The following ANKRD13B variants were observed in gnomAD, a reference collection of about 807,000 sequenced individuals.
ANKRD13B encodes the protein ankyrin repeat domain 13B.
Under a neutral mutation model 74.4 loss-of-function variants are expected in ANKRD13B, and 33 were observed. The ratio of observed to expected loss-of-function variants is 0.44; its 90% CI spans 0.34 to 0.59. ANKRD13B has a LOEUF of 0.59. ANKRD13B is among the 20% of genes least tolerant of loss of function. ANKRD13B has a pLI of 0.02. For missense variants in ANKRD13B, 676 were observed against 877.9 expected, an observed-to-expected ratio of 0.77 and a Z score of 2.91; for synonymous variants, 341 against 362.9, an observed-to-expected ratio of 0.94 and a Z score of 0.68.
In ANKRD13B at chr17:29,609,508, C is replaced by A. The variant is rs2034504530; in HGVS notation, c.822+87C>A. 3 of 1,489,760 alleles carry A rather than the reference C, an allele frequency of 2.0e-6. No homozygotes were observed. The highest frequency in any genetic ancestry group is 1.4e-5 in the African/African-American group (1 of 72,074). 92.3% of individuals were successfully genotyped at this position (1,489,760 alleles called of 1,614,324 possible). The stretch of plus-strand genomic sequence containing the variant: ...GGGATTCTGACCTCCCTTCCCCAGC[C>A]CTGGAGGTACAGAAGCAATGCAGCG... On this transcript the variant is annotated intron_variant, in intron 7 of 14. Transcript: ENST00000394859. The surrounding 1 kb of genome is among the most constrained non-coding windows in gnomAD (Gnocchi z 4.0).
At chr17:29,606,260 T>C (rs781086963) in intron 1 of ANKRD13B, among the ~76,000 whole-genome samples, 1 of 150,332 alleles carries the variant, frequency 6.7e-6, no homozygotes, top group Non-Finnish European at 1.5e-5. Context: ...GAAATATATT[T>C]AAATACTTAT....
Position 29,609,619 on chromosome 17 carries a change from GCA to G in ANKRD13B, c.822+213_822+214del, listed in dbSNP as rs140086609. Among the ~76,000 whole-genome samples the G allele has an allele frequency of 1.9e-4, 29 of 151,722 alleles. No homozygotes were observed. Among genetic ancestry groups the G allele is most frequent in the Admixed American group, 8.5e-4 (13 of 15,246 alleles). ...ATGTATACACAGGGCACGTGCACAC[GCA>G]CACACACACACACATTTATTCCTCA... On this transcript the variant is annotated intron_variant, in intron 7 of 14. Coordinates refer to ENST00000394859, the MANE Select transcript of ANKRD13B (RefSeq NM_152345.5). This position sits in a 1 kb window ranked among gnomAD's most constrained non-coding sequence, Gnocchi z 4.0.
intron 1 of ANKRD13B, among the ~76,000 whole-genome samples, chr17:29,595,245 A>G (rs999131087): frequency 2.0e-5 from 3 of 152,236 alleles, no homozygotes; most frequent in African/African-American, 7.2e-5. Flanking sequence ...TGGTGAAGCA[A>G]GTGTGAACAG....
chr17:29,603,535 A>G (rs2034255147), intron 1 of ANKRD13B, among the ~76,000 whole-genome samples: 1 of 152,358 alleles, frequency 6.6e-6, no homozygotes, highest in Non-Finnish European at 1.5e-5. Flanking sequence ...TGCTGGGACT[A>G]TAGAAGCCCA....
rs750862743 is a variant in ANKRD13B, at chr17:29,612,966, C to A, written c.1652+3C>A. On this transcript the variant is annotated splice_donor_region_variant and intron_variant, in intron 14 of 14. Transcript: ENST00000394859. The surrounding 1 kb of genome is among the most constrained non-coding windows in gnomAD (Gnocchi z 6.1). Reference sequence around the variant, plus strand: ...TACGAGGGTCGCCGACAGGACAGGTCAGTGCCCGCTGGGCCGGAGAGAATC... The same window carrying A: ...TACGAGGGTCGCCGACAGGACAGGTAAGTGCCCGCTGGGCCGGAGAGAATC... 3 of 1,596,652 alleles carry A rather than the reference C, an allele frequency of 1.9e-6. No homozygotes were observed. The highest frequency in any genetic ancestry group is 1.1e-5 in the South Asian group (1 of 90,788).
At chr17:29,613,246 C>T (rs982673226) in intron 14 of ANKRD13B, 108 bp from the exon 15 acceptor site, 3 of 1,393,738 alleles carry the variant, frequency 2.2e-6, no homozygotes, top group Non-Finnish European at 2.8e-6. Context: ...ACCGCCTCCA[C>T]TAGAGGGTGG....
Position 29,612,668 on chromosome 17 carries a change from C to G in ANKRD13B, c.1428C>G (p.Cys476Trp). Reference sequence around the variant, plus strand: ...CGCCCCCAGCCTCCTGCCGCGGCTGCGAGATCTCCCCAGCGTTGTTCGAGG... The same window carrying G: ...CGCCCCCAGCCTCCTGCCGCGGCTGGGAGATCTCCCCAGCGTTGTTCGAGG... Reference protein sequence around the residue: ...SSSSTTSCRGCEISPALFEAP... With the variant: ...SSSSTTSCRGWEISPALFEAP... Residue 476 changes from cysteine (C) to tryptophan (W), a missense_variant, in exon 13 of 15, where the codon TGC becomes TGG. Cys to Trp is a radical substitution (Grantham distance 215). Around this residue, in one of 4 missense-constraint regions of ANKRD13B, gnomAD observed 152 missense variants for 181.4 expected, o/e 0.84. Coordinates refer to ENST00000394859, the MANE Select transcript of ANKRD13B (RefSeq NM_152345.5). The surrounding 1 kb of genome is among the most constrained non-coding windows in gnomAD (Gnocchi z 6.1). 6.4e-7 allele frequency: 1 copy of G among 1,563,026 alleles called. No individual in the cohort carries two copies. The highest frequency in any genetic ancestry group is 8.6e-7 in the Non-Finnish European group (1 of 1,160,458).
chr17:29,612,522 A>G lies in ANKRD13B; in HGVS notation c.1379A>G (p.Asp460Gly), dbSNP rs755061035. 2.1e-5 allele frequency: 32 copies of G among 1,538,434 alleles called. No individual in the cohort carries two copies. The highest frequency in any genetic ancestry group is 2.8e-5 in the Non-Finnish European group (32 of 1,147,420). Residue 460 changes from aspartate to glycine, a missense_variant, in exon 12 of 15, where the codon GAC (aspartate) becomes GGC (glycine). By Grantham distance (94) the Asp-to-Gly change is moderately conservative (BLOSUM62 -1). Around this residue, in one of 4 missense-constraint regions of ANKRD13B, gnomAD observed 152 missense variants for 181.4 expected, o/e 0.84. Transcript: ENST00000394859. The surrounding 1 kb of genome is among the most constrained non-coding windows in gnomAD (Gnocchi z 6.1). Reference sequence around the variant, plus strand: ...AGCGAGACGCCTTCCCCAGGCAGCGACTCCTCCAGCGTCAGCAGCTCCAGC... The same window carrying G: ...AGCGAGACGCCTTCCCCAGGCAGCGGCTCCTCCAGCGTCAGCAGCTCCAGC... ...PSSETPSPGS[D>G]SSSVSSSSST...
chr17:29,597,951 C>T (rs960180596), intron 1 of ANKRD13B, among the ~76,000 whole-genome samples: 5 of 152,120 alleles, frequency 3.3e-5, no homozygotes, highest in East Asian at 1.9e-4. Context: ...GGCCAGGCAG[C>T]GGCCTGCCAG....
At position 29,614,564 on chromosome 17, in the gene ANKRD13B, G is replaced by A. The variant is rs916229792; in HGVS notation, c.*982G>A. ...ACCCAGAGAAGCACAGACCCCGCCA[G>A]GGGCAGGGGCCCACCGCACACCCTT... On this transcript the variant is annotated 3_prime_UTR_variant, in exon 15 of 15. Coordinates refer to ENST00000394859, the MANE Select transcript of ANKRD13B (RefSeq NM_152345.5). 2.6e-5 allele frequency: 4 copies of A among 152,500 alleles called. No individual in the cohort carries two copies. The highest frequency in any genetic ancestry group is 9.7e-5 in the African/African-American group (4 of 41,418). The allele number at this position is 152,500 out of a possible 1,614,324, so 9.4% of individuals were successfully genotyped here. A position where few individuals can be genotyped will look rare whatever the true frequency, so the allele number is the denominator to read the frequency against.
In ANKRD13B at chr17:29,609,328, C is replaced by T. The variant is rs117661862; in HGVS notation, c.756-27C>T. ...TGAGCCAGCCCGGTGGGGTGCCTGC[C>T]TCACCTGGACCACTCTGCTTCCCCA... On this transcript the variant is annotated intron_variant, in intron 6 of 14. Transcript: ENST00000394859. The surrounding 1 kb of genome is among the most constrained non-coding windows in gnomAD (Gnocchi z 4.0). 38,136 of 1,613,354 alleles carry T rather than the reference C, an allele frequency of 0.024. 568 individuals carry two copies. Among genetic ancestry groups the T allele is most frequent in the Non-Finnish European group, 0.027 (32,446 of 1,179,880 alleles).
intron 1 of ANKRD13B, chr17:29,599,264 C>T (rs2034068635): frequency 6.6e-6 from 1 of 152,220 alleles, no homozygotes; most frequent in South Asian, 2.1e-4. Context: ...CCATTGGATT[C>T]CCTGCTACCT....
Position 29,608,729 on chromosome 17 carries a change from GCT to G in ANKRD13B, c.422-115_422-114del. ...GGGAGGGGGTTTTGGAGGAGAGGCT[GCT>G]CTCTCTTCAGTTCCCTCCCCTGTTC... On this transcript the variant is annotated intron_variant, in intron 4 of 14. Transcript: ENST00000394859. The surrounding 1 kb of genome is among the most constrained non-coding windows in gnomAD (Gnocchi z 6.4). 1 of 1,346,480 alleles carries G rather than the reference GCT, an allele frequency of 7.4e-7. No individual in the cohort carries two copies. Among genetic ancestry groups the G allele is most frequent in the Non-Finnish European group, 1.0e-6 (1 of 991,502 alleles). 83.4% of individuals were successfully genotyped at this position (1,346,480 alleles called of 1,614,324 possible).
Position 29,593,384 on chromosome 17 carries a change from G to T in ANKRD13B, c.-238G>T. 6.8e-6 allele frequency: 1 copy of T among 147,112 alleles called. No individual in the cohort carries two copies. The highest frequency in any genetic ancestry group is 1.9e-4 in the South Asian group (1 of 5,394). The allele number at this position is 147,112 out of a possible 1,614,324, so 9.1% of individuals were successfully genotyped here. A position where few individuals can be genotyped will look rare whatever the true frequency, so the allele number is the denominator to read the frequency against. On this transcript the variant is annotated 5_prime_UTR_variant, in exon 1 of 15. In the 5' UTR this introduces an upstream ATG that the reference lacks. Transcript: ENST00000394859. ...GCCGCCGAGTGCCCGCTCCCTCCCA[G>T]GGCGGGTGGGGGCCTCTCCGCGCCG...
chr17:29,613,754 G>C lies in ANKRD13B; in HGVS notation c.*172G>C. On this transcript the variant is annotated 3_prime_UTR_variant, in exon 15 of 15. Transcript: ENST00000394859. ...GGGGAGGGATTCGGCATGGCCGCGG[G>C]GTACCTTCCCAGGCCAGGGCCCTGG... 4 of 1,125,080 alleles carry C rather than the reference G, an allele frequency of 3.6e-6. No individual in the cohort carries two copies. The highest frequency in any genetic ancestry group is 4.7e-6 in the Non-Finnish European group (4 of 846,308). The allele number at this position is 1,125,080 out of a possible 1,614,324, so 69.7% of individuals were successfully genotyped here. A position where few individuals can be genotyped will look rare whatever the true frequency, so the allele number is the denominator to read the frequency against.
chr17:29,612,188 C>T lies in ANKRD13B; in HGVS notation c.1173C>T (p.Asp391=). The T allele has an allele frequency of 1.9e-6, 3 of 1,614,188 alleles. No homozygotes were observed. Among genetic ancestry groups the T allele is most frequent in the South Asian group, 1.1e-5 (1 of 91,088 alleles). The change falls in exon 11 of 15, where the codon GAC becomes GAT. Residue 391 remains aspartate (D), a synonymous_variant. Transcript: ENST00000394859. This position sits in a 1 kb window ranked among gnomAD's most constrained non-coding sequence, Gnocchi z 6.1. ...SLCEQVAPII[D]LMAVSNALFA... is the part of the protein sequence containing the mutation. ...GTGAGCAGGTGGCCCCCATCATTGA[C>T]CTCATGGCCGTCAGCAATGCGCTTT...
At chr17:29,595,935 G>A (rs747998489) in intron 1 of ANKRD13B, among the ~76,000 whole-genome samples, 1 of 152,158 alleles carries the variant, frequency 6.6e-6, no homozygotes, top group African/African-American at 2.4e-5. Context: ...TACTCCCCAG[G>A]GCACCAGGCT....
At chr17:29,606,668 A>G (rs1292536637) in intron 1 of ANKRD13B, among the ~76,000 whole-genome samples, 1 of 139,336 alleles carries the variant, frequency 7.2e-6, no homozygotes, top group Non-Finnish European at 1.5e-5. Flanking sequence ...AAACAGGAGG[A>G]TTGCTCAAGC....
chr17:29,614,299 C>G lies in ANKRD13B; in HGVS notation c.*717C>G, dbSNP rs1048698279. On this transcript the variant is annotated 3_prime_UTR_variant, in exon 15 of 15. Transcript: ENST00000394859. The stretch of plus-strand genomic sequence containing the variant: ...AACGTAGCCCCCTGGCCTGTGCAAG[C>G]CCTGACTCCCTCATGGTGCCTCGGA... 7.3e-5 allele frequency: 11 copies of G among 151,242 alleles called. No individual in the cohort carries two copies. Among genetic ancestry groups the G allele is most frequent in the African/African-American group, 2.7e-4 (11 of 40,730 alleles). The allele number at this position is 151,242 out of a possible 1,614,324, so 9.4% of individuals were successfully genotyped here.
Sources: allele counts gnomAD v4.1 joint callset (sites outside exome capture counted in the v4.1 genomes callset), GRCh38; gene constraint gnomAD v4.1.1; regional missense constraint gnomAD v4.1.1; non-coding constraint Gnocchi (gnomAD v3.1); transcripts MANE v1.5; gene names NCBI Gene and HGNC (gene_info 2026-07-23, HGNC 2026-07-21).